The following HELQ variants were observed in gnomAD, a reference collection of about 807,000 sequenced individuals.
HELQ encodes the protein helicase POLQ-like.
HELQ carries 77 observed loss-of-function variants against 111.6 expected under a neutral mutation model. The observed-to-expected ratio is 0.69, with a 90% CI of 0.57 to 0.83. The LOEUF is 0.83. HELQ is among the 40% of genes least tolerant of loss of function. The probability of loss-of-function intolerance (pLI) is 0.00; values close to 1 mark genes in which losing one functional copy is unlikely to be tolerated. For synonymous variants in HELQ, 438 were observed against 454.7 expected (o/e 0.96, Z 0.47); for missense variants, 1,200 against 1,288.5 (o/e 0.93, Z 1.05).
rs1268697183 is a variant in HELQ, at chr4:83,421,216, G to A, written c.2949+347C>T. The stretch of plus-strand genomic sequence containing the variant: ...AACACCTGACATTTTTATTACTCAG[G>A]TGAAAGACATTCACATGGAATCTAC... On this transcript the variant is annotated intron_variant, in intron 15 of 17. Transcript: ENST00000295488. Among the ~76,000 whole-genome samples the A allele has an allele frequency of 3.9e-5, 6 of 152,260 alleles. No individual in the cohort carries two copies. In the East Asian group the frequency reaches 1.2e-3, roughly 29 times the overall value.
At chr4:83,444,419 T>C (rs1489390151) in intron 5 of HELQ, among the ~76,000 whole-genome samples, 2 of 152,156 alleles carry the variant, frequency 1.3e-5, no homozygotes, top group Non-Finnish European at 2.9e-5. Flanking sequence ...CTTGCTCTGT[T>C]GCCCAGGCTG....
rs999797587 is a variant in HELQ, at chr4:83,455,233, T to C, written c.297+164A>G. The stretch of plus-strand genomic sequence containing the variant: ...TATGTCTCGGGGTTTACATTTCATA[T>C]TTATATAGAAATGTAAATAACAAGG... On this transcript the variant is annotated intron_variant, in intron 1 of 17. Coordinates refer to ENST00000295488, the MANE Select transcript of HELQ (RefSeq NM_133636.5). The C allele has an allele frequency of 3.2e-5, 44 of 1,386,572 alleles. 1 individual carries two copies. In the South Asian group the frequency reaches 5.2e-4, roughly 16 times the overall value. 85.9% of individuals were successfully genotyped at this position (1,386,572 alleles called of 1,614,324 possible). A position where few individuals can be genotyped will look rare whatever the true frequency, so the allele number is the denominator to read the frequency against.
In HELQ at chr4:83,424,054, C is replaced by A. The variant is rs114399099; in HGVS notation, c.2775+1940G>T. Among the ~76,000 whole-genome samples, 1,185 of 152,194 alleles carry A rather than the reference C, an allele frequency of 7.8e-3. 19 individuals carry two copies. Among genetic ancestry groups the A allele is most frequent in the African/African-American group, 0.027 (1,126 of 41,524 alleles). ...TTCTCCAGAGTTTTAAAAAATTATA[C>A]CTCCAAAACATTAAACTAGTAATTA... On this transcript the variant is annotated intron_variant, in intron 14 of 17. Coordinates refer to ENST00000295488, the MANE Select transcript of HELQ (RefSeq NM_133636.5).
Position 83,416,816 on chromosome 4 carries a change from A to G in HELQ, c.3113T>C (p.Leu1038Ser). ...YSAGYKSLMH[L>S]ANANPEVLVR... The stretch of plus-strand genomic sequence containing the variant: ...GAGCACTTCAGGATTTGCATTAGCT[A>G]AGTGCATTAGACTTTTGTAACCTGC... The change falls in exon 17 of 18, where the codon TTA (leucine) becomes TCA (serine). Residue 1038 changes from leucine to serine, a missense_variant. Physicochemically the swap from Leu to Ser is moderately radical, Grantham distance 145. Around this residue, in one of 3 missense-constraint regions of HELQ, gnomAD observed 585 missense variants for 665.3 expected, o/e 0.88. Coordinates refer to ENST00000295488, the MANE Select transcript of HELQ (RefSeq NM_133636.5). The G allele has an allele frequency of 6.2e-7, 1 of 1,613,820 alleles. No homozygotes were observed. The highest frequency in any genetic ancestry group is 8.5e-7 in the Non-Finnish European group (1 of 1,179,732).
chr4:83,455,874 A>G (rs928254453), upstream of HELQ: 4 of 774,152 alleles, frequency 5.2e-6, no homozygotes, highest in Non-Finnish European at 8.5e-6. Flanking sequence ...TCCAATCATA[A>G]GCCTCACGTG....
chr4:83,432,521 C>G (rs1046158687), intron 9 of HELQ, among the ~76,000 whole-genome samples: 1 of 151,978 alleles, frequency 6.6e-6, no homozygotes, highest in Non-Finnish European at 1.5e-5. Flanking sequence ...AGTTAACTGA[C>G]TTATCCTAAA....
chr4:83,441,249 G>A (rs2110001033), intron 7 of HELQ, 56 bp downstream of exon 7: 2 of 946,408 alleles, frequency 2.1e-6, no homozygotes, highest in East Asian at 4.9e-5. Context: ...GGAAACTCTT[G>A]TTGTGCCCCA....
chr4:83,412,932 G>A (rs1739178303), intron 17 of HELQ, among the ~76,000 whole-genome samples: 1 of 152,192 alleles, frequency 6.6e-6, no homozygotes, highest in South Asian at 2.1e-4. Flanking sequence ...GTCTTGCTGG[G>A]TTTCCCCACT....
intron 17 of HELQ, among the ~76,000 whole-genome samples, chr4:83,416,217 G>T (rs974376587): frequency 1.3e-5 from 2 of 151,908 alleles, no homozygotes; most frequent in South Asian, 2.1e-4. Flanking sequence ...CAAAGTGCTG[G>T]GATTACAGGC....
At chr4:83,442,592 T>C (rs753694254) in intron 6 of HELQ, among the ~76,000 whole-genome samples, 14 of 150,530 alleles carry the variant, frequency 9.3e-5, no homozygotes, top group Non-Finnish European at 1.8e-4. Flanking sequence ...TTGTATTTTT[T>C]AGTAGAGTCG....
chr4:83,455,832 C>T, upstream of HELQ: 2 of 888,558 alleles, frequency 2.3e-6, no homozygotes, highest in South Asian at 1.6e-5. Context: ...TCAGGGCTCG[C>T]GGACCGGAAG....
At chr4:83,410,085 TACA>T (rs965967556) in intron 17 of HELQ, among the ~76,000 whole-genome samples, 8 of 152,108 alleles carry the variant, frequency 5.3e-5, no homozygotes, top group African/African-American at 1.7e-4. Flanking sequence ...ACCAAGCCTC[TACA>T]ACAACAACAA....
rs955489216 is a variant in HELQ, at chr4:83,430,945, C to T, written c.2295+719G>A. On this transcript the variant is annotated intron_variant, in intron 11 of 17. Coordinates refer to ENST00000295488, the MANE Select transcript of HELQ (RefSeq NM_133636.5). ...CTCTATCTACCATCATGTTATCTTT[C>T]TATTCCTCCCTGAAAAAGTTTTTGA... Among the ~76,000 whole-genome samples the T allele has an allele frequency of 4.6e-5, 7 of 152,234 alleles. No homozygotes were observed. In the South Asian group the frequency reaches 1.0e-3, roughly 23 times the overall value.
At chr4:83,438,747 G>GTAAAAAAA (rs1720598218) in intron 8 of HELQ, among the ~76,000 whole-genome samples, 1 of 55,960 alleles carries the variant, frequency 1.8e-5, no homozygotes, top group African/African-American at 2.2e-4. Context: ...CCCTGTCTCA[G>GTAAAAAAA]GAAAAAAAAA....
chr4:83,421,681 A>G lies in HELQ; in HGVS notation c.2831T>C (p.Leu944Ser). Reference protein sequence around the residue: ...RLYLSFVLYTLLKETNIWTVS... With the variant: ...RLYLSFVLYTSLKETNIWTVS... ...AGTCCAAATGTTGGTCTCTTTGAGC[A>G]AGGTATAAAGAACAAAAGACAGATA... The change falls in exon 15 of 18, where the codon TTG (leucine) becomes TCG (serine). Residue 944 changes from leucine (L) to serine (S), a missense_variant. This residue lies in a region of HELQ where 585 missense variants were observed against 665.3 expected (regional missense o/e 0.88). Transcript: ENST00000295488. 6.2e-7 allele frequency: 1 copy of G among 1,613,680 alleles called. No homozygotes were observed. Among genetic ancestry groups the G allele is most frequent in the East Asian group, 2.2e-5 (1 of 44,786 alleles).
chr4:83,438,510 G>A (rs535053329), intron 8 of HELQ, among the ~76,000 whole-genome samples: 2 of 152,134 alleles, frequency 1.3e-5, no homozygotes, highest in South Asian at 4.1e-4. Flanking sequence ...GGAGGCTATG[G>A]GGGGCGGATT....
intron 9 of HELQ, among the ~76,000 whole-genome samples, chr4:83,435,924 T>A (rs1177510278): frequency 3.3e-5 from 5 of 149,432 alleles, no homozygotes; most frequent in African/African-American, 1.2e-4. Context: ...GAAAACTTAA[T>A]GAGAGACAGA....
chr4:83,453,395 A>G lies in HELQ; in HGVS notation c.848T>C (p.Ile283Thr), dbSNP rs1242210743. ...MTGNAKAQTP[I>T]FSRSKQLKDT... Reference sequence around the variant, plus strand: ...TTTGAGCTGTTTACTTCTAGAAAATATTGGTGTCTGGGCCTTCGCATTTCC... The same window carrying G: ...TTTGAGCTGTTTACTTCTAGAAAATGTTGGTGTCTGGGCCTTCGCATTTCC... Residue 283 changes from isoleucine (I) to threonine (T), a missense_variant, in exon 2 of 18, where the codon ATA (isoleucine) becomes ACA (threonine). This residue lies in a region of HELQ where 610 missense variants were observed against 607.1 expected (regional missense o/e 1.00). Transcript: ENST00000295488. 2.5e-6 allele frequency: 4 copies of G among 1,605,940 alleles called. No individual in the cohort carries two copies. The highest frequency in any genetic ancestry group is 3.4e-6 in the Non-Finnish European group (4 of 1,177,946).
chr4:83,442,046 T>C (rs1024848012), intron 6 of HELQ, among the ~76,000 whole-genome samples: 18 of 152,110 alleles, frequency 1.2e-4, no homozygotes, highest in Non-Finnish European at 2.2e-4. Flanking sequence ...ATTACATGCA[T>C]GAGCCACCGT....
Sources: gnomAD v4.1 joint callset for allele counts (sites outside exome capture counted in the v4.1 genomes callset) on GRCh38, gnomAD v4.1.1 for gene constraint, gnomAD v4.1.1 regional missense constraint, MANE v1.5 for transcripts, NCBI Gene and HGNC (gene_info 2026-07-23, HGNC 2026-07-21) for gene names.